The following SNX31 variants were observed in gnomAD, a reference collection of about 807,000 sequenced individuals.
SNX31 encodes sorting nexin 31.
A neutral mutation model predicts 65.4 loss-of-function variants in SNX31; 58 were observed. That is an observed-to-expected ratio of 0.89 (90% CI 0.72 to 1.10). The LOEUF (loss-of-function observed/expected upper bound fraction) is 1.10. SNX31 is among the 50% of genes least tolerant of loss of function. The probability of loss-of-function intolerance (pLI) is 0.00; values close to 1 mark genes in which losing one functional copy is unlikely to be tolerated. For synonymous variants in SNX31, 181 were observed against 190.1 expected (o/e 0.95, Z 0.39); for missense variants, 523 against 529.7 (o/e 0.99, Z 0.12).
At chr8:100,591,895 T>C (rs1814621474) in intron 10 of SNX31, among the ~76,000 whole-genome samples, 1 of 152,200 alleles carries the variant, frequency 6.6e-6, no homozygotes, top group African/African-American at 2.4e-5. Flanking sequence ...TAAAATCTAA[T>C]GCTCTTTAAA....
chr8:100,631,735 G>A lies in SNX31; in HGVS notation c.257-1344C>T, dbSNP rs1818430470. On this transcript the variant is annotated intron_variant, in intron 3 of 13. Transcript: ENST00000311812. ...AAGAGAGAAAGTCCCTGCAACATGAGAAACTATTTATAAAAAGCATTCTGT... is the reference window on the plus strand; with the variant it reads ...AAGAGAGAAAGTCCCTGCAACATGAAAAACTATTTATAAAAAGCATTCTGT... 2.0e-5 allele frequency among the ~76,000 whole-genome samples: 3 copies of A among 152,298 alleles called. No homozygotes were observed. The South Asian group carries it at 6.2e-4, about 32-fold the overall frequency.
chr8:100,659,214 T>C (rs1210821395), intron 1 of SNX31, among the ~76,000 whole-genome samples: 3 of 151,818 alleles, frequency 2.0e-5, no homozygotes, highest in African/African-American at 2.4e-5. Flanking sequence ...GGCCTGGTGG[T>C]GGGCACCTGT....
intron 8 of SNX31, among the ~76,000 whole-genome samples, chr8:100,602,496 T>C (rs760138111): frequency 5.9e-5 from 9 of 152,206 alleles, no homozygotes; most frequent in Non-Finnish European, 1.2e-4. Flanking sequence ...ACTCTATATA[T>C]ACTATGTTTT....
Position 100,630,445 on chromosome 8 carries a change from T to C in SNX31, c.257-54A>G. 1 of 1,427,160 alleles carries C rather than the reference T, an allele frequency of 7.0e-7. No individual in the cohort carries two copies. Among genetic ancestry groups the C allele is most frequent in the Non-Finnish European group, 9.7e-7 (1 of 1,028,022 alleles). 88.4% of individuals were successfully genotyped at this position (1,427,160 alleles called of 1,614,324 possible). On this transcript the variant is annotated intron_variant, in intron 3 of 13. Transcript: ENST00000311812. The surrounding 1 kb of genome is among the most constrained non-coding windows in gnomAD (Gnocchi z 5.3). ...AGCATGGGCTGGGCTGGGCCCTGCC[T>C]ATTAATTGCTATGTCCTCCAGAGAT...
rs1490360439 is a variant in SNX31, at chr8:100,588,974, A to G, written c.984T>C (p.Thr328=). The G allele has an allele frequency of 6.2e-7, 1 of 1,611,370 alleles. No individual in the cohort carries two copies. The highest frequency in any genetic ancestry group is 1.7e-5 in the Admixed American group (1 of 59,758). Residue 328 remains threonine (T), a synonymous_variant, in exon 11 of 14, where the codon ACT becomes ACC. Coordinates refer to ENST00000311812, the MANE Select transcript of SNX31 (RefSeq NM_152628.4). The surrounding 1 kb of genome is among the most constrained non-coding windows in gnomAD (Gnocchi z 4.8). ...TCTGGGGCCCATCCGTATCCAGCAG[A>G]GTTCCCTACAAAGGAAAATATTTTA... ...VKCWQVTFLG[T]LLDTDGPQRT... is the part of the protein sequence containing the mutation.
intron 12 of SNX31, among the ~76,000 whole-genome samples, chr8:100,579,837 T>C (rs1000465040): frequency 2.0e-4 from 31 of 152,170 alleles, no homozygotes; most frequent in Admixed American, 2.0e-3. Context: ...AGGGAAAATA[T>C]ACAAACTAGG....
In SNX31 at chr8:100,596,650, C is replaced by A. The variant is rs769384546; in HGVS notation, c.967G>T (p.Val323Phe). Residue 323 changes from valine to phenylalanine, a missense_variant, in exon 10 of 14, where the codon GTC becomes TTC. Val to Phe is a conservative substitution (Grantham distance 50, BLOSUM62 -1). Transcript: ENST00000311812. ...FQMSRVKCWQ[V>F]TFLGTLLDTD... Reference sequence around the variant, plus strand: ...GCCAAGATACTCACAAGGAAAGTGACCTGCCAGCACTTCACCCTGCTCATC... The same window carrying A: ...GCCAAGATACTCACAAGGAAAGTGAACTGCCAGCACTTCACCCTGCTCATC... 3.1e-6 allele frequency: 5 copies of A among 1,613,918 alleles called. No individual in the cohort carries two copies. In the East Asian group the frequency reaches 8.9e-5, roughly 29 times the overall value.
At chr8:100,655,052 G>A (rs548426393) in intron 1 of SNX31, among the ~76,000 whole-genome samples, 236 of 152,202 alleles carry the variant, frequency 1.6e-3, no homozygotes, top group African/African-American at 5.5e-3. Context: ...AGAAGGTGGG[G>A]CCAGTTACAA....
At chr8:100,658,251 C>G (rs916422248) in intron 1 of SNX31, among the ~76,000 whole-genome samples, 28 of 152,162 alleles carry the variant, frequency 1.8e-4, no homozygotes, top group African/African-American at 5.8e-4. Flanking sequence ...AGCTTGCTGT[C>G]TAGGAGATGG....
At position 100,617,622 on chromosome 8, in the gene SNX31, C is replaced by G. The variant is rs1563555034; in HGVS notation, c.430G>C (p.Glu144Gln). The part of the protein sequence containing the change: ...ITSDTAERVL[E>Q]VVSHKIGLCR... Reference sequence around the variant, plus strand: ...GCTGGAGTTTAAACAAAGCTTACCTCTAGGACTCTTTCAGCAGTGTCTGAT... The same window carrying G: ...GCTGGAGTTTAAACAAAGCTTACCTGTAGGACTCTTTCAGCAGTGTCTGAT... Residue 144 changes from glutamate (E) to glutamine (Q), a missense_variant and splice_region_variant, in exon 5 of 14, where the codon GAG becomes CAG. Glu to Gln is a conservative substitution (Grantham distance 29). Coordinates refer to ENST00000311812, the MANE Select transcript of SNX31 (RefSeq NM_152628.4). 2 of 1,600,562 alleles carry G rather than the reference C, an allele frequency of 1.2e-6. No individual in the cohort carries two copies. The highest frequency in any genetic ancestry group is 3.3e-5 in the Admixed American group (2 of 59,746).
chr8:100,633,964 C>T (rs1007996790), intron 3 of SNX31, among the ~76,000 whole-genome samples: 5 of 152,072 alleles, frequency 3.3e-5, no homozygotes, highest in African/African-American at 9.7e-5. Context: ...TCTATATACA[C>T]GCAAATTGCT....
intron 8 of SNX31, 73 bp downstream of exon 8, chr8:100,608,421 T>C (rs1374200753): frequency 1.4e-6 from 2 of 1,401,168 alleles, no homozygotes; most frequent in Middle Eastern, 1.8e-4. Context: ...AACTGCCACA[T>C]AATTTGTTTA....
At position 100,588,140 on chromosome 8, in the gene SNX31, G is replaced by A. The variant is rs145454445; in HGVS notation, c.1092+726C>T. Among the ~76,000 whole-genome samples, 1,110 of 151,940 alleles carry A rather than the reference G, an allele frequency of 7.3e-3. 21 individuals are homozygous for A. The highest frequency in any genetic ancestry group is 0.026 in the African/African-American group (1,079 of 41,424). On this transcript the variant is annotated intron_variant, in intron 11 of 13. Transcript: ENST00000311812. This position sits in a 1 kb window ranked among gnomAD's most constrained non-coding sequence, Gnocchi z 4.8. ...TAAAAAAAAACATAAAAAAGGTACA[G>A]TAAAAATACTGAGTTATAAACTTAT... is the stretch of plus-strand genomic sequence containing the variant.
At chr8:100,617,147 C>T (rs1817280400) in intron 5 of SNX31, among the ~76,000 whole-genome samples, 2 of 152,118 alleles carry the variant, frequency 1.3e-5, no homozygotes, top group South Asian at 2.1e-4. Context: ...GCCCTCTGCA[C>T]CCAGAATTAG....
At position 100,604,014 on chromosome 8, in the gene SNX31, A is replaced by G. The variant is rs1243733430; in HGVS notation, c.682-3573T>C. On this transcript the variant is annotated intron_variant, in intron 8 of 13. Transcript: ENST00000311812. This position sits in a 1 kb window ranked among gnomAD's most constrained non-coding sequence, Gnocchi z 4.3. ...CTGCCTCCCAAAGTGCTGGAATTAC[A>G]GGCGTGAGCCACTGCGCCCAGCTTT... Among the ~76,000 whole-genome samples the G allele has an allele frequency of 1.3e-5, 2 of 152,230 alleles. No individual in the cohort carries two copies. Among genetic ancestry groups the G allele is most frequent in the South Asian group, 4.1e-4 (2 of 4,830 alleles).
chr8:100,578,244 G>A lies in SNX31; in HGVS notation c.1171-1169C>T, dbSNP rs1158054607. On this transcript the variant is annotated intron_variant, in intron 12 of 13. Coordinates refer to ENST00000311812, the MANE Select transcript of SNX31 (RefSeq NM_152628.4). This position sits in a 1 kb window ranked among gnomAD's most constrained non-coding sequence, Gnocchi z 4.7. ...AAACACCACCTAGCCAGGCTTTTTG[G>A]GGAAAGAGTTCTTAGACTCTTCTTA... Among the ~76,000 whole-genome samples the A allele has an allele frequency of 6.6e-6, 1 of 152,170 alleles. No homozygotes were observed. The highest frequency in any genetic ancestry group is 2.4e-5 in the African/African-American group (1 of 41,434).
chr8:100,603,437 C>CTTT, intron 8 of SNX31, among the ~76,000 whole-genome samples: 1 of 141,706 alleles, frequency 7.1e-6, no homozygotes, highest in Non-Finnish European at 1.6e-5. Context: ...GTTTCATTAC[C>CTTT]TTTTTTTTTT....
At position 100,648,371 on chromosome 8, in the gene SNX31, C is replaced by T. The variant is rs535154978; in HGVS notation, c.141+903G>A. On this transcript the variant is annotated intron_variant, in intron 2 of 13. Coordinates refer to ENST00000311812, the MANE Select transcript of SNX31 (RefSeq NM_152628.4). The surrounding 1 kb of genome is among the most constrained non-coding windows in gnomAD (Gnocchi z 4.3). The stretch of plus-strand genomic sequence containing the variant: ...GAGACAAGGTCTCGGCTATGTTGCC[C>T]AGGCTGGTCTCAAACTCTGGGACTC... Among the ~76,000 whole-genome samples the T allele has an allele frequency of 1.7e-4, 25 of 147,176 alleles. No individual in the cohort carries two copies. Among genetic ancestry groups the T allele is most frequent in the Non-Finnish European group, 2.1e-4 (14 of 67,302 alleles).
chr8:100,577,649 T>C (rs1186600197), intron 12 of SNX31, among the ~76,000 whole-genome samples: 7 of 152,160 alleles, frequency 4.6e-5, no homozygotes, highest in African/African-American at 1.4e-4. Context: ...TGAAGGGATG[T>C]TGGGGCCCCC....
Sources: gnomAD v4.1 joint callset for allele counts (sites outside exome capture counted in the v4.1 genomes callset) on GRCh38, gnomAD v4.1.1 for gene constraint, Gnocchi (gnomAD v3.1) non-coding constraint, MANE v1.5 for transcripts, NCBI Gene and HGNC (gene_info 2026-07-23, HGNC 2026-07-21) for gene names.